CDH13: variants seen among roughly 807,000 people sequenced by gnomAD.
The protein encoded by CDH13 is cadherin-13.
CDH13 carries 24 observed loss-of-function variants against 63.8 expected under a neutral mutation model. The ratio of observed to expected loss-of-function variants is 0.38; its 90% CI spans 0.27 to 0.53. CDH13 has a LOEUF of 0.53. Among genes scored for constraint, CDH13 ranks in the 20% least tolerant of loss-of-function variants. CDH13 has a pLI of 0.85. For missense variants in CDH13, 1,049 were observed against 903.1 expected, an observed-to-expected ratio of 1.16 and a Z score of -2.07; for synonymous variants, 503 against 355.3, an observed-to-expected ratio of 1.42 and a Z score of -4.67.
chr16:82,712,759 T>C (rs1459068858), intron 1 of CDH13, among the ~76,000 whole-genome samples: 8 of 152,198 alleles, frequency 5.3e-5, no homozygotes, highest in Non-Finnish European at 1.2e-4. Flanking sequence ...TAGCCTTTCC[T>C]GGGATTACCT....
At chr16:83,341,749 G>C (rs1419235626) in intron 5 of CDH13, among the ~76,000 whole-genome samples, 1 of 152,122 alleles carries the variant, frequency 6.6e-6, no homozygotes. Context: ...TCGGAGTTGA[G>C]CAGAGTCCTA....
intron 1 of CDH13, among the ~76,000 whole-genome samples, chr16:82,702,942 T>A (rs1330411201): frequency 6.6e-6 from 1 of 152,208 alleles, no homozygotes; most frequent in Admixed American, 6.5e-5. Flanking sequence ...AAGCTCCCTG[T>A]GTGCAGGGAC....
intron 1 of CDH13, among the ~76,000 whole-genome samples, chr16:82,775,134 G>A (rs906879251): frequency 2.0e-4 from 31 of 152,150 alleles, no homozygotes; most frequent in African/African-American, 7.5e-4. Context: ...TACCTCGGCT[G>A]TCTTATCTGT....
intron 10 of CDH13, among the ~76,000 whole-genome samples, chr16:83,708,197 G>A (rs377194981): frequency 6.6e-6 from 1 of 152,342 alleles, no homozygotes; most frequent in South Asian, 2.1e-4. Context: ...GACGACAAAA[G>A]CGTCCTTTTG....
At chr16:83,073,651 C>G (rs920623301) in intron 3 of CDH13, among the ~76,000 whole-genome samples, 1 of 151,930 alleles carries the variant, frequency 6.6e-6, no homozygotes, top group Non-Finnish European at 1.5e-5. Context: ...CTTGACGAAA[C>G]AGAGAAAATG....
chr16:83,517,964 G>C (rs942559703), intron 7 of CDH13, among the ~76,000 whole-genome samples: 2 of 152,132 alleles, frequency 1.3e-5, no homozygotes, highest in Non-Finnish European at 2.9e-5. Context: ...GGGTGATGAA[G>C]TGACTAACCC....
At chr16:83,691,675 A>G (rs1274519172) in intron 10 of CDH13, among the ~76,000 whole-genome samples, 1 of 152,048 alleles carries the variant, frequency 6.6e-6, no homozygotes, top group Non-Finnish European at 1.5e-5. Flanking sequence ...AAATCAGCAT[A>G]TCCTGAGTCT....
Position 83,436,177 on chromosome 16 carries a change from A to T in CDH13, c.782-50300A>T, listed in dbSNP as rs1320817705. 3.3e-5 allele frequency among the ~76,000 whole-genome samples: 5 copies of T among 152,208 alleles called. No homozygotes were observed. In the East Asian group the frequency reaches 9.6e-4, roughly 29 times the overall value. On this transcript the variant is annotated intron_variant, in intron 6 of 13. Transcript: ENST00000567109. The stretch of plus-strand genomic sequence containing the variant: ...GCCCTGCTCTAGAAACTGCCAAAGA[A>T]GCTGTTGCCAAATAAAAACTATAGG...
At chr16:83,485,086 A>G (rs1056796088) in intron 6 of CDH13, among the ~76,000 whole-genome samples, 105 of 152,284 alleles carry the variant, frequency 6.9e-4, no homozygotes, top group African/African-American at 2.5e-3. Context: ...AACCCATTAG[A>G]TCTACAGTCT....
intron 11 of CDH13, among the ~76,000 whole-genome samples, chr16:83,757,504 G>A (rs1913610155): frequency 2.0e-5 from 3 of 152,160 alleles, no homozygotes; most frequent in Admixed American, 6.5e-5. Flanking sequence ...CTTGAACCCA[G>A]GAGGCGGAGG....
chr16:83,134,583 G>GAA (rs1226524423), intron 4 of CDH13, among the ~76,000 whole-genome samples: 30 of 59,764 alleles, frequency 5.0e-4, no homozygotes, highest in African/African-American at 3.6e-3. Flanking sequence ...GAGAGAGAGA[G>GAA]AGAGAGAGAG....
chr16:83,523,617 G>A (rs1484438387), intron 7 of CDH13, among the ~76,000 whole-genome samples: 1 of 152,142 alleles, frequency 6.6e-6, no homozygotes, highest in Non-Finnish European at 1.5e-5. Context: ...CTACTCCAGG[G>A]TCACTCCCTT....
intron 1 of CDH13, among the ~76,000 whole-genome samples, chr16:82,762,794 T>C (rs983012616): frequency 6.6e-6 from 1 of 152,210 alleles, no homozygotes; most frequent in Admixed American, 6.5e-5. Flanking sequence ...TTTGCATGTG[T>C]TTGGAAATGT....
intron 5 of CDH13, among the ~76,000 whole-genome samples, chr16:83,342,596 C>G (rs763390201): frequency 1.3e-5 from 2 of 152,156 alleles, no homozygotes; most frequent in African/African-American, 2.4e-5. Flanking sequence ...TGAGATTCAG[C>G]TCCACATTCT....
intron 2 of CDH13, among the ~76,000 whole-genome samples, chr16:82,979,460 C>T (rs998718907): frequency 1.1e-4 from 16 of 152,108 alleles, no homozygotes; most frequent in Admixed American, 3.3e-4. Flanking sequence ...TGGGGGGAGA[C>T]GACTGGATCA....
chr16:82,835,983 G>C (rs1317489555), intron 1 of CDH13, among the ~76,000 whole-genome samples: 1 of 152,156 alleles, frequency 6.6e-6, no homozygotes, highest in African/African-American at 2.4e-5. Context: ...TCGCATGTCA[G>C]AATTTGCCAT....
chr16:82,698,851 T>G lies in CDH13; in HGVS notation c.45+71714T>G, dbSNP rs931808092. The stretch of plus-strand genomic sequence containing the variant: ...CTTTAAAAGGACAGATAGTAAATAT[T>G]TTAGACTTTGGGGCCACGTACAGGC... On this transcript the variant is annotated intron_variant, in intron 1 of 13. Coordinates refer to ENST00000567109, the MANE Select transcript of CDH13 (RefSeq NM_001257.5). Among the ~76,000 whole-genome samples, 14 of 152,346 alleles carry G rather than the reference T, an allele frequency of 9.2e-5. 1 individual carries two copies. Among genetic ancestry groups the G allele is most frequent in the Middle Eastern group, 6.8e-3 (2 of 294 alleles).
At chr16:82,850,177 T>C (rs925243643) in intron 1 of CDH13, among the ~76,000 whole-genome samples, 8 of 152,286 alleles carry the variant, frequency 5.3e-5, no homozygotes, top group African/African-American at 1.7e-4. Context: ...AAAAACCTGC[T>C]GAAAAGGATT....
intron 6 of CDH13, among the ~76,000 whole-genome samples, chr16:83,481,204 A>G (rs373296850): frequency 4.6e-5 from 7 of 152,214 alleles, no homozygotes; most frequent in Admixed American, 4.6e-4. Context: ...TAACTGTGCT[A>G]TCAGAAATCC....
Sources: gnomAD v4.1 joint callset for allele counts (sites outside exome capture counted in the v4.1 genomes callset) on GRCh38, gnomAD v4.1.1 for gene constraint, MANE v1.5 for transcripts, NCBI Gene and HGNC (gene_info 2026-07-23, HGNC 2026-07-21) for gene names.